Variants in HOOK3 observed in about 807,000 individuals in gnomAD.
HOOK3 encodes hook microtubule tethering protein 3, also known as protein Hook homolog 3.
Under a neutral mutation model 116.3 loss-of-function variants are expected in HOOK3, and 24 were observed. That is an observed-to-expected ratio of 0.21 (90% CI 0.15 to 0.29). The LOEUF (loss-of-function observed/expected upper bound fraction) is 0.29, where lower values mean the gene tolerates loss of function less well. Ranked by LOEUF, HOOK3 falls within the 10% of genes least tolerant of loss-of-function variation. HOOK3 has a pLI of 1.00. For synonymous variants in HOOK3, 275 were observed against 283.0 expected (o/e 0.97, Z 0.28); for missense variants, 632 against 830.2 (o/e 0.76, Z 2.93).
intron 2 of HOOK3, among the ~76,000 whole-genome samples, chr8:42,912,504 G>A (rs1200575448): frequency 6.6e-6 from 1 of 152,136 alleles, no homozygotes; most frequent in Non-Finnish European, 1.5e-5. Flanking sequence ...TCTGGAGATG[G>A]GTGGTGGTGA....
At chr8:42,965,551 G>A (rs926874531) in intron 9 of HOOK3, among the ~76,000 whole-genome samples, 3 of 152,118 alleles carry the variant, frequency 2.0e-5, no homozygotes, top group African/African-American at 2.4e-5. Flanking sequence ...GCACAAAATC[G>A]AAAGACAAGA....
rs772026404 is a variant in HOOK3, at chr8:42,957,084, T to A, written c.469-10T>A. 1 of 1,561,406 alleles carries A rather than the reference T, an allele frequency of 6.4e-7. No individual in the cohort carries two copies. Among genetic ancestry groups the A allele is most frequent in the Non-Finnish European group, 8.8e-7 (1 of 1,142,422 alleles). ...CCTCATAGTTATAATCATTTAAATC[T>A]TGATTTCAGCTGATGAGTAAAGAAT... On this transcript the variant is annotated splice_polypyrimidine_tract_variant and intron_variant, in intron 6 of 21. Transcript: ENST00000307602.
chr8:42,968,402 T>C (rs879860261), intron 11 of HOOK3, among the ~76,000 whole-genome samples, 188 bp downstream of exon 11: 9 of 152,214 alleles, frequency 5.9e-5, no homozygotes, highest in Non-Finnish European at 1.0e-4. Flanking sequence ...TGATCTCAGC[T>C]CACTGCAACC....
At chr8:43,003,165 G>A (rs1437507149) in intron 17 of HOOK3, among the ~76,000 whole-genome samples, 3 of 152,154 alleles carry the variant, frequency 2.0e-5, no homozygotes, top group Non-Finnish European at 4.4e-5. Context: ...ACTTTACACT[G>A]TGCTAAACCA....
chr8:42,974,818 G>C (rs1311831593), intron 13 of HOOK3, among the ~76,000 whole-genome samples: 1 of 152,184 alleles, frequency 6.6e-6, no homozygotes, highest in African/African-American at 2.4e-5. Context: ...AACCCAGACA[G>C]TCTCTGCGGC....
chr8:42,928,607 CTG>C (rs1807815472), intron 3 of HOOK3, among the ~76,000 whole-genome samples: 1 of 152,184 alleles, frequency 6.6e-6, no homozygotes, highest in Admixed American at 6.5e-5. Context: ...TACACATATA[CTG>C]TCTCCAGTGT....
intron 1 of HOOK3, among the ~76,000 whole-genome samples, chr8:42,902,646 A>G (rs960276038): frequency 1.3e-5 from 2 of 152,144 alleles, no homozygotes; most frequent in African/African-American, 4.8e-5. Flanking sequence ...TAGACTTTGC[A>G]AAATACCTCA....
At chr8:43,003,626 G>A (rs1224535365) in intron 17 of HOOK3, among the ~76,000 whole-genome samples, 1 of 152,150 alleles carries the variant, frequency 6.6e-6, no homozygotes, top group Non-Finnish European at 1.5e-5. Flanking sequence ...CCATACACTA[G>A]GTGGTTTATG....
At chr8:42,982,242 G>A (rs1808963563) in intron 13 of HOOK3, among the ~76,000 whole-genome samples, 1 of 139,296 alleles carries the variant, frequency 7.2e-6, no homozygotes, top group African/African-American at 2.7e-5. Flanking sequence ...GCAACAGAGT[G>A]AGACTCTGTC....
In HOOK3 at chr8:43,020,988, G is replaced by C. The variant is rs770054221; in HGVS notation, c.*2490G>C. The C allele has an allele frequency of 3.4e-5, 6 of 177,380 alleles. No individual in the cohort carries two copies. The highest frequency in any genetic ancestry group is 7.2e-5 in the Non-Finnish European group (6 of 82,966). 11.0% of individuals were successfully genotyped at this position (177,380 alleles called of 1,614,324 possible). On this transcript the variant is annotated 3_prime_UTR_variant, in exon 22 of 22. Coordinates refer to ENST00000307602, the MANE Select transcript of HOOK3 (RefSeq NM_032410.4). ...ATGGTGGTGTGTGCCTGTAGTCCCA[G>C]CTACTTGGGAGGGTGAGGCAGGAGA... is the stretch of plus-strand genomic sequence containing the variant.
chr8:42,905,649 G>A (rs567262328), intron 1 of HOOK3, among the ~76,000 whole-genome samples: 1 of 151,992 alleles, frequency 6.6e-6, no homozygotes, highest in Non-Finnish European at 1.5e-5. Context: ...TATCCACCAC[G>A]ATTTCTCTTT....
chr8:42,930,083 C>A, intron 3 of HOOK3, 39 bp from the exon 4 acceptor site: 1 of 1,542,708 alleles, frequency 6.5e-7, no homozygotes, highest in South Asian at 1.2e-5. Flanking sequence ...TTTGATCTGT[C>A]TTGCCTTTTA....
At chr8:43,003,989 T>TC (rs1809425160) in intron 17 of HOOK3, among the ~76,000 whole-genome samples, 3 of 152,124 alleles carry the variant, frequency 2.0e-5, no homozygotes, top group Admixed American at 2.0e-4. Flanking sequence ...GAGTTAAAAC[T>TC]CCAATTTTTC....
At chr8:42,911,784 C>G (rs529365823) in intron 2 of HOOK3, among the ~76,000 whole-genome samples, 5 of 152,058 alleles carry the variant, frequency 3.3e-5, no homozygotes, top group Admixed American at 3.3e-4. Flanking sequence ...ACAGTATCCA[C>G]CGAAGAGAGT....
At chr8:42,925,520 C>T in intron 2 of HOOK3, 37 bp from the exon 3 acceptor site, 1 of 1,375,334 alleles carries the variant, frequency 7.3e-7, no homozygotes, top group Non-Finnish European at 1.0e-6. Context: ...TTGATAGCTA[C>T]ATGATTTTAA....
chr8:42,991,394 CTTTTTTTTT>C (rs564333836), intron 15 of HOOK3, among the ~76,000 whole-genome samples: 1 of 129,662 alleles, frequency 7.7e-6, no homozygotes, highest in Non-Finnish European at 1.7e-5. Context: ...TAGTATGGAC[CTTTTTTTTT>C]TTTTTTTTTT....
chr8:42,918,420 A>T (rs571218558), intron 2 of HOOK3, among the ~76,000 whole-genome samples: 11 of 151,654 alleles, frequency 7.3e-5, no homozygotes, highest in Non-Finnish European at 1.3e-4. Flanking sequence ...TTTTTTTAAC[A>T]TTTTTTTTTA....
intron 15 of HOOK3, among the ~76,000 whole-genome samples, chr8:42,992,357 G>A (rs1478138917): frequency 7.2e-6 from 1 of 138,460 alleles, no homozygotes; most frequent in East Asian, 2.1e-4. Context: ...CTGAGATCAT[G>A]CCACTGCACT....
intron 2 of HOOK3, among the ~76,000 whole-genome samples, chr8:42,912,076 G>A (rs1440044777): frequency 1.3e-5 from 2 of 152,184 alleles, no homozygotes; most frequent in Non-Finnish European, 2.9e-5. Context: ...GCCTTTAATT[G>A]TTGGGTAGAG....
Sources: gnomAD v4.1 joint callset for allele counts (sites outside exome capture counted in the v4.1 genomes callset) on GRCh38, gnomAD v4.1.1 for gene constraint, MANE v1.5 for transcripts, NCBI Gene and HGNC (gene_info 2026-07-23, HGNC 2026-07-21) for gene names.